The following DGCR2 variants were observed in gnomAD, a reference collection of about 807,000 sequenced individuals.
DGCR2 encodes integral membrane protein DGCR2/IDD.
In DGCR2, 24 loss-of-function variants were observed where a neutral mutation model predicts 51.6. The ratio of observed to expected loss-of-function variants is 0.47; its 90% CI spans 0.34 to 0.65. DGCR2 has a LOEUF of 0.65. DGCR2 is among the 30% of genes least tolerant of loss of function. The probability of loss-of-function intolerance (pLI) is 0.01; values close to 1 mark genes in which losing one functional copy is unlikely to be tolerated. For synonymous variants in DGCR2, 340 were observed against 315.4 expected, an observed-to-expected ratio of 1.08 and a Z score of -0.82; for missense variants, 765 against 772.1, an observed-to-expected ratio of 0.99 and a Z score of 0.11.
intron 2 of DGCR2, among the ~76,000 whole-genome samples, chr22:19,079,813 C>T (rs2082916573): frequency 6.6e-6 from 1 of 152,256 alleles, no homozygotes; most frequent in Non-Finnish European, 1.5e-5. Flanking sequence ...GAGCTGGCTG[C>T]CTCAGGCCAC....
At chr22:19,087,143 G>GTTTT (rs1472378580) in intron 2 of DGCR2, among the ~76,000 whole-genome samples, 26 of 152,160 alleles carry the variant, frequency 1.7e-4, no homozygotes, top group African/African-American at 5.8e-4. Context: ...TCGTCCCCAG[G>GTTTT]CTGACCAACC....
In DGCR2 at chr22:19,057,412, G is replaced by GT. The variant is rs1166708163; in HGVS notation, c.626-251dup. Among the ~76,000 whole-genome samples the GT allele has an allele frequency of 6.6e-6, 1 of 152,246 alleles. No homozygotes were observed. Among genetic ancestry groups the GT allele is most frequent in the East Asian group, 1.9e-4 (1 of 5,192 alleles). ...CACAGGCCACAAACCCTGGGTAGCA[G>GT]TAAGTGCCAGCCTGAGCACCAGAAG... is the stretch of plus-strand genomic sequence containing the variant. On this transcript the variant is annotated intron_variant, in intron 5 of 9. Transcript: ENST00000263196. This position sits in a 1 kb window ranked among gnomAD's most constrained non-coding sequence, Gnocchi z 5.1.
chr22:19,045,920 G>A (rs923693163), intron 7 of DGCR2, among the ~76,000 whole-genome samples: 1 of 152,070 alleles, frequency 6.6e-6, no homozygotes, highest in Non-Finnish European at 1.5e-5. Flanking sequence ...TAGAGATGGG[G>A]CTTCACCATG....
intron 5 of DGCR2, among the ~76,000 whole-genome samples, chr22:19,062,236 G>A (rs977548416): frequency 5.3e-5 from 8 of 152,228 alleles, no homozygotes; most frequent in Non-Finnish European, 1.0e-4. Context: ...GTGGTCATGA[G>A]AACAGGGTGG....
chr22:19,100,008 T>C (rs964699316), intron 1 of DGCR2, among the ~76,000 whole-genome samples: 2 of 148,708 alleles, frequency 1.3e-5, no homozygotes, highest in Admixed American at 1.3e-4. Context: ...GTATGGTGGC[T>C]CATGCCTATA....
chr22:19,106,787 T>C (rs941900064), intron 1 of DGCR2, among the ~76,000 whole-genome samples: 4 of 152,056 alleles, frequency 2.6e-5, no homozygotes, highest in African/African-American at 7.2e-5. Flanking sequence ...TGTGGGCTCT[T>C]TGACCCAAAT....
At chr22:19,064,438 G>A (rs1029121602) in intron 4 of DGCR2, among the ~76,000 whole-genome samples, 2 of 152,182 alleles carry the variant, frequency 1.3e-5, no homozygotes, top group Non-Finnish European at 2.9e-5. Context: ...TGAAGCGAAG[G>A]CCCCCTTGCT....
chr22:19,065,281 G>A, intron 3 of DGCR2: 1 of 572,926 alleles, frequency 1.7e-6, no homozygotes, highest in Non-Finnish European at 3.1e-6. Flanking sequence ...TACATTCGGT[G>A]ACTCTTCCCA....
At chr22:19,093,626 T>C (rs1277657509) in intron 1 of DGCR2, among the ~76,000 whole-genome samples, 4 of 152,190 alleles carry the variant, frequency 2.6e-5, no homozygotes, top group Non-Finnish European at 4.4e-5. Flanking sequence ...GCAAATCATG[T>C]ATCTGATAAA....
chr22:19,064,167 G>A (rs2145969338), intron 4 of DGCR2, among the ~76,000 whole-genome samples: 1 of 152,326 alleles, frequency 6.6e-6, no homozygotes. Context: ...CGCATGGCAG[G>A]AGCCCAGGGA....
chr22:19,093,879 G>C (rs1489016021), intron 1 of DGCR2, among the ~76,000 whole-genome samples: 1 of 152,078 alleles, frequency 6.6e-6, no homozygotes, highest in Non-Finnish European at 1.5e-5. Context: ...GGTGACACAT[G>C]CCTGTAGTCC....
At chr22:19,095,521 C>T (rs1478096780) in intron 1 of DGCR2, among the ~76,000 whole-genome samples, 2 of 151,708 alleles carry the variant, frequency 1.3e-5, no homozygotes, top group African/African-American at 4.8e-5. Context: ...ATTAGCCGGG[C>T]GTGGTGGCGG....
rs967506344 is a variant in DGCR2, at chr22:19,057,710, T to C, written c.626-548A>G. 1.3e-5 allele frequency among the ~76,000 whole-genome samples: 2 copies of C among 152,194 alleles called. No homozygotes were observed. The highest frequency in any genetic ancestry group is 3.4e-3 in the Middle Eastern group (1 of 294). ...CAGGGAACACTTAGGAAGCACTGGC[T>C]CCCGGGGACCTCTCTCAGCTCAAGG... On this transcript the variant is annotated intron_variant, in intron 5 of 9. Coordinates refer to ENST00000263196, the MANE Select transcript of DGCR2 (RefSeq NM_005137.3). The surrounding 1 kb of genome is among the most constrained non-coding windows in gnomAD (Gnocchi z 5.1).
At chr22:19,106,801 C>T (rs529113268) in intron 1 of DGCR2, among the ~76,000 whole-genome samples, 5 of 152,150 alleles carry the variant, frequency 3.3e-5, no homozygotes, top group African/African-American at 1.2e-4. Flanking sequence ...CCCAAATCCC[C>T]ATCCCTGAAG....
At chr22:19,108,569 TAAAAAAAAAAAAAAAAAAA>T (rs55803042) in intron 1 of DGCR2, among the ~76,000 whole-genome samples, 66 of 90,784 alleles carry the variant, frequency 7.3e-4, no homozygotes, top group East Asian at 1.6e-3. Context: ...AGAATTTATC[TAAAAAAAAAAAAAAAAAAA>T]AAAAAAAAAA....
intron 1 of DGCR2, among the ~76,000 whole-genome samples, chr22:19,113,264 G>A (rs2800986): frequency 0.14 from 21,251 of 152,068 alleles, 2,601 homozygotes; most frequent in African/African-American, 0.33. Flanking sequence ...CAGCTACTTG[G>A]GAGGCTGAGG....
chr22:19,099,760 G>A (rs2083181331), intron 1 of DGCR2, among the ~76,000 whole-genome samples: 1 of 149,778 alleles, frequency 6.7e-6, no homozygotes, highest in South Asian at 2.1e-4. Flanking sequence ...CACAAGGTCA[G>A]GAGTTCAAGA....
intron 2 of DGCR2, among the ~76,000 whole-genome samples, chr22:19,083,740 C>G (rs1475237560): frequency 7.3e-6 from 1 of 137,376 alleles, no homozygotes; most frequent in African/African-American, 2.7e-5. Context: ...CCCTCTCCCT[C>G]TCTTTCCACG....
At chr22:19,116,319 T>C (rs1185523185) in intron 1 of DGCR2, among the ~76,000 whole-genome samples, 1 of 152,166 alleles carries the variant, frequency 6.6e-6, no homozygotes, top group Non-Finnish European at 1.5e-5. Flanking sequence ...AACCTAGACT[T>C]GCCCTGCCAA....
Sources: allele counts gnomAD v4.1 joint callset (sites outside exome capture counted in the v4.1 genomes callset), GRCh38; gene constraint gnomAD v4.1.1; non-coding constraint Gnocchi (gnomAD v3.1); transcripts MANE v1.5; gene names NCBI Gene and HGNC (gene_info 2026-07-23, HGNC 2026-07-21).